Variants in FGF14 observed in about 807,000 individuals in gnomAD.
The protein encoded by FGF14 is fibroblast growth factor homologous factor 4.
A neutral mutation model predicts 25.5 loss-of-function variants in FGF14; 5 were observed. The observed-to-expected ratio is 0.20, with a 90% CI of 0.10 to 0.41. FGF14 has a LOEUF of 0.41. FGF14 is among the 10% of genes least tolerant of loss of function. The pLI is 1.00. For synonymous variants in FGF14, 138 were observed against 118.3 expected (o/e 1.17, Z -1.08); for missense variants, 222 against 320.1 (o/e 0.69, Z 2.34).
At chr13:102,260,041 G>A (rs1168065303) in intron 1 of FGF14, among the ~76,000 whole-genome samples, 3 of 152,044 alleles carry the variant, frequency 2.0e-5, no homozygotes, top group African/African-American at 4.8e-5. Context: ...CATCACTAGC[G>A]AAGCCCTTGA....
intron 1 of FGF14, among the ~76,000 whole-genome samples, chr13:102,245,057 T>C (rs1008263759): frequency 5.3e-5 from 8 of 152,078 alleles, no homozygotes; most frequent in Non-Finnish European, 1.0e-4. Context: ...TGCAGAGATA[T>C]TTATCACATC....
intron 1 of FGF14, among the ~76,000 whole-genome samples, chr13:102,205,358 CA>C (rs200126704): frequency 3.3e-5 from 5 of 150,332 alleles, no homozygotes; most frequent in South Asian, 2.1e-4. Context: ...CGCACACACT[CA>C]AAAAAAACCC....
chr13:101,806,661 C>G (rs1200064502), intron 3 of FGF14, among the ~76,000 whole-genome samples: 2 of 151,982 alleles, frequency 1.3e-5, no homozygotes, highest in African/African-American at 4.8e-5. Flanking sequence ...TACTGGAGCA[C>G]AGTACTTTAT....
chr13:102,203,903 C>T (rs988929370), intron 1 of FGF14, among the ~76,000 whole-genome samples: 1 of 152,200 alleles, frequency 6.6e-6, no homozygotes, highest in Non-Finnish European at 1.5e-5. Context: ...CTAATTGTTA[C>T]CTTCTGTGCA....
intron 1 of FGF14, among the ~76,000 whole-genome samples, chr13:102,386,779 A>G (rs1173877023): frequency 6.6e-6 from 1 of 152,240 alleles, no homozygotes; most frequent in Non-Finnish European, 1.5e-5. Flanking sequence ...CTACATGGAA[A>G]GGGTGTACAT....
At chr13:102,399,581 C>T (rs2058655525) in intron 1 of FGF14, among the ~76,000 whole-genome samples, 2 of 152,154 alleles carry the variant, frequency 1.3e-5, no homozygotes, top group South Asian at 4.1e-4. Context: ...CAAGCGTCAG[C>T]AAGTTTTAGG....
At chr13:102,211,617 G>GA (rs1381960132) in intron 1 of FGF14, among the ~76,000 whole-genome samples, 39 of 152,254 alleles carry the variant, frequency 2.6e-4, no homozygotes, top group African/African-American at 8.9e-4. Context: ...ACACACACTG[G>GA]ACCCTTGTGT....
chr13:101,920,223 A>G (rs1402871326), upstream of FGF14, among the ~76,000 whole-genome samples: 6 of 152,182 alleles, frequency 3.9e-5, no homozygotes, highest in Admixed American at 3.9e-4. Context: ...TCAGAAAATA[A>G]TTTGTCACTC....
intron 1 of FGF14, among the ~76,000 whole-genome samples, chr13:101,938,709 T>G (rs2035259271): frequency 6.6e-6 from 1 of 152,160 alleles, no homozygotes; most frequent in Non-Finnish European, 1.5e-5. Flanking sequence ...AGATATCGGG[T>G]GTATGTCTCT....
intron 1 of FGF14, among the ~76,000 whole-genome samples, chr13:102,197,528 G>A (rs2049417353): frequency 6.6e-6 from 1 of 151,646 alleles, no homozygotes; most frequent in Non-Finnish European, 1.5e-5. Context: ...AGAATTTGGC[G>A]GTTTTAGATG....
chr13:101,886,321 A>G (rs926630618), intron 1 of FGF14, among the ~76,000 whole-genome samples: 10 of 152,216 alleles, frequency 6.6e-5, no homozygotes, highest in Admixed American at 5.9e-4. Context: ...CTAACACTGC[A>G]TGATACTGGC....
chr13:102,278,313 AG>A (rs2053643544), intron 1 of FGF14, among the ~76,000 whole-genome samples: 1 of 152,152 alleles, frequency 6.6e-6, no homozygotes, highest in South Asian at 2.1e-4. Context: ...CCATCTCCTG[AG>A]GCTCAGGGTT....
At chr13:101,868,081 G>T (rs1268700116) in intron 3 of FGF14, among the ~76,000 whole-genome samples, 1 of 151,920 alleles carries the variant, frequency 6.6e-6, no homozygotes, top group African/African-American at 2.4e-5. Flanking sequence ...TTTGCTCAAG[G>T]GATAATAGAA....
At chr13:102,216,513 T>A (rs1047491926) in intron 1 of FGF14, among the ~76,000 whole-genome samples, 1 of 152,190 alleles carries the variant, frequency 6.6e-6, no homozygotes, top group Non-Finnish European at 1.5e-5. Context: ...AAAATTGAAT[T>A]ATAAACATTG....
chr13:102,325,016 C>T (rs1167871309), intron 1 of FGF14, among the ~76,000 whole-genome samples: 5 of 151,970 alleles, frequency 3.3e-5, no homozygotes, highest in Non-Finnish European at 7.4e-5. Context: ...CATACATATG[C>T]ACACACAGCA....
chr13:101,936,332 G>T lies in FGF14; in HGVS notation c.209-61036C>A, dbSNP rs116893195. Among the ~76,000 whole-genome samples, 34 of 152,276 alleles carry T rather than the reference G, an allele frequency of 2.2e-4. No individual in the cohort carries two copies. In the East Asian group the frequency reaches 5.0e-3, roughly 22 times the overall value. ...TTACTGAGAAGCGCTGAGTTTTGAG[G>T]GATGCACAAATCCTGCCACTTGCCT... On this transcript the variant is annotated intron_variant, in intron 1 of 4. Transcript: ENST00000376131.
intron 1 of FGF14, among the ~76,000 whole-genome samples, chr13:101,896,474 T>C (rs1439556509): frequency 6.6e-6 from 1 of 152,174 alleles, no homozygotes; most frequent in East Asian, 1.9e-4. Context: ...TGTGTTCTAA[T>C]ATTCAGATTT....
intron 3 of FGF14, among the ~76,000 whole-genome samples, chr13:101,850,044 GAGGGAGAGGAAGGC>G (rs1407410584): frequency 6.6e-6 from 1 of 151,810 alleles, no homozygotes; most frequent in African/African-American, 2.4e-5. Context: ...AAATATGAGA[GAGGGAGAGGAAGGC>G]AGGAAGAAGA....
At position 102,108,239 on chromosome 13, in the gene FGF14, A is replaced by T. The variant is rs371372484; in HGVS notation, c.209-232943T>A. On this transcript the variant is annotated intron_variant, in intron 1 of 4. Transcript: ENST00000376131. ...GGAGAAAATCAGTACAATTTTTAAA[A>T]TTTTCTTTCCATGCCATTAACCCTG... Among the ~76,000 whole-genome samples the T allele has an allele frequency of 3.9e-5, 6 of 152,086 alleles. No individual in the cohort carries two copies. The South Asian group carries it at 8.3e-4, about 21-fold the overall frequency.
Sources: allele counts gnomAD v4.1 joint callset (sites outside exome capture counted in the v4.1 genomes callset), GRCh38; gene constraint gnomAD v4.1.1; transcripts MANE v1.5; gene names NCBI Gene and HGNC (gene_info 2026-07-23, HGNC 2026-07-21).